Variants in SF3B3 observed in about 807,000 individuals in gnomAD.
SF3B3 encodes SAP 130.
In SF3B3, 33 loss-of-function variants were observed where a neutral mutation model predicts 139.2. The ratio of observed to expected loss-of-function variants is 0.24; its 90% CI spans 0.18 to 0.32. The LOEUF (loss-of-function observed/expected upper bound fraction) is 0.32. Among genes scored for constraint, SF3B3 ranks in the 10% least tolerant of loss-of-function variants. The pLI is 1.00. For synonymous variants in SF3B3, 596 were observed against 563.6 expected (o/e 1.06, Z -0.81); for missense variants, 818 against 1,509.4 (o/e 0.54, Z 7.59).
chr16:70,544,299 A>T, intron 9 of SF3B3, 139 bp from the exon 10 acceptor site: 2 of 614,172 alleles, frequency 3.3e-6, no homozygotes, highest in Admixed American at 2.9e-5. Context: ...TACAATACAG[A>T]TCATTCACCT....
chr16:70,568,324 T>C lies in SF3B3; in HGVS notation c.2994T>C (p.His998=), dbSNP rs2050496792. The part of the protein sequence containing the change: ...NYISGIQTIG[H]RVIVSDVQES... ...TCTCTGGGATCCAGACTATCGGACA[T>C]AGGGTAATTGTATCTGATGTCCAAG... Residue 998 remains histidine (H), a synonymous_variant, in exon 22 of 26, where the codon CAT becomes CAC. Coordinates refer to ENST00000302516, the MANE Select transcript of SF3B3 (RefSeq NM_012426.5). 3 of 1,613,494 alleles carry C rather than the reference T, an allele frequency of 1.9e-6. No homozygotes were observed. The highest frequency in any genetic ancestry group is 1.7e-6 in the Non-Finnish European group (2 of 1,179,416).
Position 70,574,510 on chromosome 16 carries a change from T to C in SF3B3, c.*2697T>C, listed in dbSNP as rs991782399. 1 of 152,178 alleles carries C rather than the reference T, an allele frequency of 6.6e-6. No homozygotes were observed. Among genetic ancestry groups the C allele is most frequent in the East Asian group, 1.9e-4 (1 of 5,194 alleles). The allele number at this position is 152,178 out of a possible 1,614,324, so 9.4% of individuals were successfully genotyped here. On this transcript the variant is annotated 3_prime_UTR_variant, in exon 26 of 26. Coordinates refer to ENST00000302516, the MANE Select transcript of SF3B3 (RefSeq NM_012426.5). Reference sequence around the variant, plus strand: ...AAATTCTTGTTTTTTTGTTTGTTTGTTTATTAGAGATGGAATCTCTCTCTC... The same window carrying C: ...AAATTCTTGTTTTTTTGTTTGTTTGCTTATTAGAGATGGAATCTCTCTCTC...
intron 11 of SF3B3, among the ~76,000 whole-genome samples, chr16:70,553,917 C>T (rs183722161): frequency 1.8e-4 from 27 of 152,164 alleles, no homozygotes; most frequent in Non-Finnish European, 3.1e-4. Context: ...TTACATCATT[C>T]CCATTGGGAC....
Position 70,535,288 on chromosome 16 carries a change from A to C in SF3B3, c.713-20A>C. The C allele has an allele frequency of 7.5e-7, 1 of 1,329,774 alleles. No homozygotes were observed. The highest frequency in any genetic ancestry group is 1.9e-4 in the Middle Eastern group (1 of 5,366). The allele number at this position is 1,329,774 out of a possible 1,614,324, so 82.4% of individuals were successfully genotyped here. A position where few individuals can be genotyped will look rare whatever the true frequency, so the allele number is the denominator to read the frequency against. ...CATGTCTGAGTCAAAGTCACTGCTA[A>C]GTTTTATTTTCTCTCACAGTTCCAG... On this transcript the variant is annotated intron_variant, in intron 5 of 25. Coordinates refer to ENST00000302516, the MANE Select transcript of SF3B3 (RefSeq NM_012426.5).
chr16:70,548,570 C>A, intron 11 of SF3B3, 128 bp downstream of exon 11: 1 of 768,840 alleles, frequency 1.3e-6, no homozygotes, highest in Non-Finnish European at 2.2e-6. Flanking sequence ...ACTTTCTGGC[C>A]CAACACTGTT....
chr16:70,563,820 C>T (rs554908746), intron 17 of SF3B3, 56 bp from the exon 18 acceptor site: 4 of 1,550,840 alleles, frequency 2.6e-6, no homozygotes, highest in African/African-American at 1.4e-5. Context: ...TCTATTTCAA[C>T]ACCAGTTTCT....
Position 70,565,510 on chromosome 16 carries a change from G to A in SF3B3, c.2812G>A (p.Glu938Lys). Residue 938 changes from glutamate to lysine, a missense_variant, in exon 20 of 26, where the codon GAG becomes AAG. By Grantham distance (56) the Glu-to-Lys change is moderately conservative. Transcript: ENST00000302516. Reference sequence around the variant, plus strand: ...GCTTGTGAACAATGGGGAAAAACTGGAGTTTTTGCACAAGGTAGGAATCTG... The same window carrying A: ...GCTTGTGAACAATGGGGAAAAACTGAAGTTTTTGCACAAGGTAGGAATCTG... The part of the protein sequence containing the change: ...YKLVNNGEKL[E>K]FLHKTPVEEV... The A allele has an allele frequency of 6.2e-7, 1 of 1,613,726 alleles. No homozygotes were observed. Among genetic ancestry groups the A allele is most frequent in the Non-Finnish European group, 8.5e-7 (1 of 1,179,776 alleles).
At chr16:70,541,928 G>A (rs1235639010) in intron 9 of SF3B3, 94 bp downstream of exon 9, 10 of 1,151,068 alleles carry the variant, frequency 8.7e-6, no homozygotes, top group Admixed American at 4.5e-5. Context: ...CCATGAACTC[G>A]CCAGTGTGTA....
intron 20 of SF3B3, chr16:70,565,843 G>A (rs1008610228): frequency 5.5e-5 from 13 of 237,498 alleles, no homozygotes; most frequent in Middle Eastern, 1.6e-3. Context: ...CTGGCTGGGC[G>A]CAGTGGCTCA....
chr16:70,570,351 G>A (rs1156911421), intron 24 of SF3B3, among the ~76,000 whole-genome samples: 1 of 25,112 alleles, frequency 4.0e-5, no homozygotes, highest in Non-Finnish European at 8.6e-5. Flanking sequence ...TTTTTTTTTT[G>A]CGACGGAGTC....
intron 6 of SF3B3, chr16:70,538,017 A>G: frequency 1.8e-6 from 1 of 569,770 alleles, no homozygotes; most frequent in Non-Finnish European, 3.4e-6. Flanking sequence ...GCCTGAAATG[A>G]TGACTCTTTA....
In SF3B3 at chr16:70,575,204, T is replaced by C. The variant is rs1017231694; in HGVS notation, c.*3391T>C. 16 of 144,898 alleles carry C rather than the reference T, an allele frequency of 1.1e-4. No individual in the cohort carries two copies. The highest frequency in any genetic ancestry group is 4.6e-4 in the South Asian group (2 of 4,358). 9.0% of individuals were successfully genotyped at this position (144,898 alleles called of 1,614,324 possible). ...TTCTTTTTCTTTTTTTTCTTTTTTT[T>C]TTTTTTTTTTTTGAGATGAAGTCTT... On this transcript the variant is annotated 3_prime_UTR_variant, in exon 26 of 26. Transcript: ENST00000302516.
chr16:70,556,875 C>G lies in SF3B3; in HGVS notation c.1867-11C>G, dbSNP rs1016176802. ...TTTTCTGTGTTTTTATGATTTTTCT[C>G]TCCCTCTCAGGACTGTTTGCAACCT... is the stretch of plus-strand genomic sequence containing the variant. On this transcript the variant is annotated splice_polypyrimidine_tract_variant and intron_variant, in intron 14 of 25. Coordinates refer to ENST00000302516, the MANE Select transcript of SF3B3 (RefSeq NM_012426.5). The G allele has an allele frequency of 3.1e-6, 5 of 1,613,910 alleles. No individual in the cohort carries two copies. The Middle Eastern group carries it at 6.6e-4, about 213-fold the overall frequency.
chr16:70,567,458 G>A lies in SF3B3; in HGVS notation c.2874G>A (p.Arg958=). ...VPAAIAPFQG[R]VLIGVGKLLR... ...CTGCTATTGCCCCATTCCAGGGGAG[G>A]GTGTTGATTGGTGTGGGGAAGCTGT... Residue 958 remains arginine (R), a synonymous_variant, in exon 21 of 26, where the codon AGG becomes AGA. Coordinates refer to ENST00000302516, the MANE Select transcript of SF3B3 (RefSeq NM_012426.5). 6.2e-7 allele frequency: 1 copy of A among 1,614,050 alleles called. No individual in the cohort carries two copies.
rs1438907479 is a variant in SF3B3 at position 70,575,627 on chromosome 16, G to C, written c.*3814G>C. 1 of 152,282 alleles carries C rather than the reference G, an allele frequency of 6.6e-6. No homozygotes were observed. The highest frequency in any genetic ancestry group is 1.5e-5 in the Non-Finnish European group (1 of 68,090). The allele number at this position is 152,282 out of a possible 1,614,324, so 9.4% of individuals were successfully genotyped here. On this transcript the variant is annotated 3_prime_UTR_variant, in exon 26 of 26. Coordinates refer to ENST00000302516, the MANE Select transcript of SF3B3 (RefSeq NM_012426.5). Reference sequence around the variant, plus strand: ...CTCCCAGCTCTGTTCTGCACCCAGAGGTTGGAGGAGAGTTTATAACCAGGC... The same window carrying C: ...CTCCCAGCTCTGTTCTGCACCCAGACGTTGGAGGAGAGTTTATAACCAGGC...
chr16:70,548,314 G>C (rs894276574), intron 10 of SF3B3, 56 bp from the exon 11 acceptor site: 4 of 1,372,704 alleles, frequency 2.9e-6, no homozygotes, highest in Non-Finnish European at 4.2e-6. Context: ...GTGATTGTAA[G>C]CAGGTAGCTG....
chr16:70,555,225 C>A lies in SF3B3; in HGVS notation c.1710+19C>A. 1.2e-6 allele frequency: 2 copies of A among 1,608,312 alleles called. No homozygotes were observed. The highest frequency in any genetic ancestry group is 2.2e-5 in the East Asian group (1 of 44,838). ...GGATCCTGTATGTTATTTTATCATTCACTGTGGGACTTATTGTAGGGACCA... is the reference window on the plus strand; with the variant it reads ...GGATCCTGTATGTTATTTTATCATTAACTGTGGGACTTATTGTAGGGACCA... On this transcript the variant is annotated intron_variant, in intron 13 of 25. Transcript: ENST00000302516.
intron 5 of SF3B3, among the ~76,000 whole-genome samples, chr16:70,534,091 G>A (rs1189369893): frequency 6.6e-6 from 1 of 152,140 alleles, no homozygotes; most frequent in East Asian, 1.9e-4. Context: ...CAGAGAAGAG[G>A]TTCCCTAAAC....
At chr16:70,549,512 T>C (rs1262319385) in intron 11 of SF3B3, among the ~76,000 whole-genome samples, 1 of 152,224 alleles carries the variant, frequency 6.6e-6, no homozygotes, top group Non-Finnish European at 1.5e-5. Context: ...TGGTGGCTTG[T>C]TGATATTCAT....
Sources: allele counts gnomAD v4.1 joint callset (sites outside exome capture counted in the v4.1 genomes callset), GRCh38; gene constraint gnomAD v4.1.1; transcripts MANE v1.5; gene names NCBI Gene and HGNC (gene_info 2026-07-23, HGNC 2026-07-21).